The following FANK1 variants were observed in gnomAD, a reference collection of about 807,000 sequenced individuals.
FANK1 encodes fibronectin type 3 and ankyrin repeat domains protein 1.
A neutral mutation model predicts 45.3 loss-of-function variants in FANK1; 44 were observed. That is an observed-to-expected ratio of 0.97 (90% CI 0.76 to 1.25). FANK1 has a LOEUF of 1.25. FANK1 is among the 50% of genes most tolerant of loss of function. The pLI is 0.00. For synonymous variants in FANK1, 149 were observed against 152.5 expected, an observed-to-expected ratio of 0.98 and a Z score of 0.17; for missense variants, 391 against 424.4, an observed-to-expected ratio of 0.92 and a Z score of 0.69.
chr10:125,994,344 G>A (rs1952156008), intron 3 of FANK1: 2 of 973,024 alleles, frequency 2.1e-6, no homozygotes, highest in South Asian at 4.7e-5. Context: ...ACCCCCTAGA[G>A]CCTAGCACAG....
rs568696441 is a variant in FANK1, at chr10:125,905,007, T to G, written c.13+8352T>G. On this transcript the variant is annotated intron_variant, in intron 1 of 10. Coordinates refer to ENST00000368693, the MANE Select transcript of FANK1 (RefSeq NM_145235.5). Reference sequence around the variant, plus strand: ...TTAGCCGGGTGTGGTGGTGGGCGCCTGTAGTCCCAGCTACCAGGGAGGCTG... The same window carrying G: ...TTAGCCGGGTGTGGTGGTGGGCGCCGGTAGTCCCAGCTACCAGGGAGGCTG... Among the ~76,000 whole-genome samples, 611 of 151,512 alleles carry G rather than the reference T, an allele frequency of 4.0e-3. 1 individual carries two copies. The highest frequency in any genetic ancestry group is 0.024 in the Middle Eastern group (7 of 294).
chr10:126,001,958 G>A (rs948905078), intron 6 of FANK1, among the ~76,000 whole-genome samples: 13 of 152,024 alleles, frequency 8.6e-5, no homozygotes, highest in African/African-American at 3.1e-4. Context: ...ACTCTGATAT[G>A]GGATTTTTTT....
rs557580576 is a variant in FANK1 at position 125,922,656 on chromosome 10, A to G, written c.13+26001A>G. 1.5e-3 allele frequency among the ~76,000 whole-genome samples: 231 copies of G among 152,284 alleles called. 1 individual carries two copies. The highest frequency in any genetic ancestry group is 5.2e-3 in the African/African-American group (216 of 41,580). ...CTCAGCCTCCCGAATAGCTGGGTCTATAGGTGTGCTGCCATGCCCAGCTAA... is the reference window on the plus strand; with the variant it reads ...CTCAGCCTCCCGAATAGCTGGGTCTGTAGGTGTGCTGCCATGCCCAGCTAA... On this transcript the variant is annotated intron_variant, in intron 1 of 10. Coordinates refer to ENST00000368693, the MANE Select transcript of FANK1 (RefSeq NM_145235.5).
intron 1 of FANK1, chr10:125,972,454 G>A (rs1396323585): frequency 1.3e-5 from 2 of 152,098 alleles, no homozygotes; most frequent in Non-Finnish European, 2.9e-5. Flanking sequence ...AAGTATATGG[G>A]TTAATATTGT....
intron 1 of FANK1, among the ~76,000 whole-genome samples, chr10:125,954,730 G>C (rs1194356288): frequency 6.6e-6 from 1 of 152,050 alleles, no homozygotes; most frequent in African/African-American, 2.4e-5. Flanking sequence ...GACCAGCCTG[G>C]CCAACATAGT....
chr10:125,908,757 A>G (rs1945746958), intron 1 of FANK1, among the ~76,000 whole-genome samples: 1 of 152,202 alleles, frequency 6.6e-6, no homozygotes, highest in Admixed American at 6.5e-5. Flanking sequence ...GAAATAAAAA[A>G]TAAATTTAAA....
At position 125,947,824 on chromosome 10, in the gene FANK1, G is replaced by C. The variant is rs199722743; in HGVS notation, c.14-32337G>C. Among the ~76,000 whole-genome samples the C allele has an allele frequency of 1.0e-2, 981 of 98,296 alleles. 2 individuals carry two copies. Among genetic ancestry groups the C allele is most frequent in the East Asian group, 0.022 (55 of 2,558 alleles). 64.5% of individuals were successfully genotyped at this position (98,296 alleles called of 152,430 possible). A position where few individuals can be genotyped will look rare whatever the true frequency, so the allele number is the denominator to read the frequency against. Reference sequence around the variant, plus strand: ...AACAGAATATACATTTTTTTCAGCAGCACACCACACCTATTCCAAAATTGA... The same window carrying C: ...AACAGAATATACATTTTTTTCAGCACCACACCACACCTATTCCAAAATTGA... On this transcript the variant is annotated intron_variant, in intron 1 of 10. Coordinates refer to ENST00000368693, the MANE Select transcript of FANK1 (RefSeq NM_145235.5).
At chr10:125,948,304 C>CA (rs1002506710) in intron 1 of FANK1, among the ~76,000 whole-genome samples, 2 of 151,808 alleles carry the variant, frequency 1.3e-5, no homozygotes, top group Non-Finnish European at 2.9e-5. Flanking sequence ...AAAACCCCTT[C>CA]AAAAAAATCA....
intron 1 of FANK1, among the ~76,000 whole-genome samples, chr10:125,900,359 T>G (rs1944930385): frequency 6.6e-6 from 1 of 151,914 alleles, no homozygotes; most frequent in Non-Finnish European, 1.5e-5. Flanking sequence ...TTGTCCTTTT[T>G]TTTTTTTCTT....
At chr10:125,957,167 C>T (rs1949633237) in intron 1 of FANK1, among the ~76,000 whole-genome samples, 1 of 152,124 alleles carries the variant, frequency 6.6e-6, no homozygotes, top group East Asian at 1.9e-4. Context: ...CTGTAGACAT[C>T]TTTAACATAT....
chr10:125,997,326 C>G, intron 5 of FANK1, 94 bp from the exon 6 acceptor site: 1 of 947,778 alleles, frequency 1.1e-6, no homozygotes, highest in South Asian at 1.8e-5. Flanking sequence ...AAAGATACAT[C>G]TTGGATGCTG....
chr10:125,960,178 C>G, intron 1 of FANK1: 1 of 197,886 alleles, frequency 5.1e-6, no homozygotes, highest in African/African-American at 2.4e-5. Flanking sequence ...CATTCCTCTG[C>G]AGACTTCTTT....
intron 1 of FANK1, among the ~76,000 whole-genome samples, chr10:125,975,979 A>G (rs1327159413): frequency 6.6e-6 from 1 of 152,010 alleles, no homozygotes; most frequent in African/African-American, 2.4e-5. Flanking sequence ...TTTCCTTTCT[A>G]TATTTACTGT....
chr10:125,956,201 T>TGG (rs1321729033), intron 1 of FANK1, among the ~76,000 whole-genome samples: 8 of 28,684 alleles, frequency 2.8e-4, no homozygotes, highest in East Asian at 1.5e-3. Flanking sequence ...GATACATTTT[T>TGG]TGGGGGGGGG....
chr10:125,946,870 C>T (rs898665000), intron 1 of FANK1, among the ~76,000 whole-genome samples: 11 of 145,092 alleles, frequency 7.6e-5, no homozygotes, highest in African/African-American at 2.4e-4. Flanking sequence ...AGAGAAAGGT[C>T]GGGTTACCCT....
intron 6 of FANK1, among the ~76,000 whole-genome samples, chr10:126,001,209 T>C (rs10901508): frequency 0.69 from 104,212 of 152,028 alleles, 36,070 homozygotes; most frequent in East Asian, 0.78. Flanking sequence ...ACAACTGAAA[T>C]GTCTGACAAT....
At position 125,988,588 on chromosome 10, in the gene FANK1, C is replaced by T. The variant is rs778530057; in HGVS notation, c.229C>T (p.Pro77Ser). The T allele has an allele frequency of 4.3e-6, 7 of 1,614,200 alleles. No individual in the cohort carries two copies. The South Asian group carries it at 6.6e-5, about 15-fold the overall frequency. ...GAAGCATGTTGTTGAAGGTCTGGAA[C>T]CAAGGACGCTGTACAGATTTCGCCT... The part of the protein sequence containing the change: ...ATKHVVEGLE[P>S]RTLYRFRLKV... Residue 77 changes from proline (P) to serine (S), a missense_variant, in exon 3 of 11, where the codon CCA (proline) becomes TCA (serine). Physicochemically the swap from Pro to Ser is moderately conservative, Grantham distance 74. Transcript: ENST00000368693.
At position 126,008,518 on chromosome 10, in the gene FANK1, G is replaced by A; in HGVS notation, c.817G>A (p.Val273Met). Reference protein sequence around the residue: ...LLIDAGANVNVKDRNGKTPLM... With the variant: ...LLIDAGANVNMKDRNGKTPLM... ...AATTGATGCTGGGGCCAATGTGAATGTGAAGGACAGAAATGGAAAGACGCC... is the reference window on the plus strand; with the variant it reads ...AATTGATGCTGGGGCCAATGTGAATATGAAGGACAGAAATGGAAAGACGCC... Residue 273 changes from valine to methionine, a missense_variant, in exon 8 of 11, where the codon GTG becomes ATG. Physicochemically the swap from Val to Met is conservative, Grantham distance 21 (BLOSUM62 1). Coordinates refer to ENST00000368693, the MANE Select transcript of FANK1 (RefSeq NM_145235.5). The A allele has an allele frequency of 6.2e-7, 1 of 1,613,150 alleles. No individual in the cohort carries two copies. The highest frequency in any genetic ancestry group is 1.7e-5 in the Admixed American group (1 of 59,776).
At chr10:125,956,943 C>T (rs561480630) in intron 1 of FANK1, among the ~76,000 whole-genome samples, 1 of 152,300 alleles carries the variant, frequency 6.6e-6, no homozygotes, top group South Asian at 2.1e-4. Flanking sequence ...CCCCATCACC[C>T]TCCCGGGTTC....
Sources: allele counts gnomAD v4.1 joint callset (sites outside exome capture counted in the v4.1 genomes callset), GRCh38; gene constraint gnomAD v4.1.1; transcripts MANE v1.5; gene names NCBI Gene and HGNC (gene_info 2026-07-23, HGNC 2026-07-21).